The following MCF2L variants were observed in gnomAD, a reference collection of about 807,000 sequenced individuals.
The protein encoded by MCF2L is guanine nucleotide exchange factor DBS.
A neutral mutation model predicts 153.4 loss-of-function variants in MCF2L; 97 were observed. The ratio of observed to expected loss-of-function variants is 0.63; its 90% confidence interval spans 0.54 to 0.75. MCF2L has a LOEUF of 0.75. MCF2L is among the 30% of genes least tolerant of loss of function. MCF2L has a pLI of 0.00. For synonymous variants in MCF2L, 659 were observed against 632.2 expected (o/e 1.04, Z -0.64); for missense variants, 1,347 against 1,495.2 (o/e 0.90, Z 1.64).
At chr13:113,090,185 C>G (rs748969519) in intron 26 of MCF2L, 1 of 1,512,266 alleles carries the variant, frequency 6.6e-7, no homozygotes. Context: ...TGCCCCAAAC[C>G]CACCCTCACC....
upstream of MCF2L, chr13:112,965,584 G>T (rs957881321): frequency 6.6e-6 from 1 of 152,192 alleles, no homozygotes. Flanking sequence ...CCCCTCCCAA[G>T]ACATGGAGTG....
At position 113,074,900 on chromosome 13, in the gene MCF2L, A is replaced by G. The variant is rs976690075; in HGVS notation, c.1117-98A>G. 2 of 1,095,916 alleles carry G rather than the reference A, an allele frequency of 1.8e-6. No individual in the cohort carries two copies. The highest frequency in any genetic ancestry group is 3.1e-5 in the African/African-American group (2 of 64,120). The allele number at this position is 1,095,916 out of a possible 1,614,324, so 67.9% of individuals were successfully genotyped here. A position where few individuals can be genotyped will look rare whatever the true frequency, so the allele number is the denominator to read the frequency against. ...CGCAGCAGTAAACAAAGAAATCAAG[A>G]CACACGTGTGCCCCGGGACACACAT... On this transcript the variant is annotated intron_variant, in intron 10 of 29. Coordinates refer to ENST00000535094, the MANE Select transcript of MCF2L (RefSeq NM_001112732.3). The surrounding 1 kb of genome is among the most constrained non-coding windows in gnomAD (Gnocchi z 4.2).
upstream of MCF2L, chr13:112,968,912 G>A (rs2081949024): frequency 3.4e-6 from 2 of 591,022 alleles, no homozygotes; most frequent in Admixed American, 4.2e-5. Flanking sequence ...TGACCTTGGC[G>A]GTGACACGAA....
intron 2 of MCF2L, among the ~76,000 whole-genome samples, chr13:112,930,889 A>T (rs1219845623): frequency 6.6e-6 from 1 of 152,188 alleles, no homozygotes; most frequent in Non-Finnish European, 1.5e-5. Context: ...GTGAGCCAAG[A>T]TCACGCCATT....
At chr13:113,060,540 G>A in intron 4 of MCF2L, 53 bp from the exon 5 acceptor site, 1 of 1,599,378 alleles carries the variant, frequency 6.3e-7, no homozygotes, top group South Asian at 1.1e-5. Context: ...CACTAGGGGG[G>A]CTGCTGTCTG....
intron 3 of MCF2L, among the ~76,000 whole-genome samples, chr13:113,033,088 GGC>G (rs1175001056): frequency 2.8e-5 from 4 of 143,910 alleles, no homozygotes; most frequent in African/African-American, 1.1e-4. Flanking sequence ...TGGACCCCGT[GGC>G]ATGAGTGGCT....
chr13:112,995,084 G>C (rs985438834), intron 1 of MCF2L, among the ~76,000 whole-genome samples: 1 of 152,194 alleles, frequency 6.6e-6, no homozygotes, highest in Non-Finnish European at 1.5e-5. Flanking sequence ...TGGCACTCAC[G>C]TGTGTCTGCC....
intron 1 of MCF2L, among the ~76,000 whole-genome samples, chr13:112,974,339 C>A (rs2082147554): frequency 6.6e-6 from 1 of 151,930 alleles, no homozygotes; most frequent in Non-Finnish European, 1.5e-5. Context: ...CCGGCGTGGC[C>A]AACCTCTGAG....
At chr13:112,942,397 C>T (rs1481082360) in intron 2 of MCF2L, among the ~76,000 whole-genome samples, 3 of 152,298 alleles carry the variant, frequency 2.0e-5, no homozygotes, top group African/African-American at 4.8e-5. Context: ...GGAGATGGCT[C>T]ACACTCCTTA....
In MCF2L at chr13:113,074,362, C is replaced by A. The variant is rs2033221366; in HGVS notation, c.997-82C>A. 6.5e-7 allele frequency: 1 copy of A among 1,536,580 alleles called. No homozygotes were observed. The highest frequency in any genetic ancestry group is 8.9e-7 in the Non-Finnish European group (1 of 1,118,110). ...GGCCCGACTTTGAATTCTGTCATTT[C>A]CCTGATCTGGAGCACTGGAGTGGGT... On this transcript the variant is annotated intron_variant, in intron 9 of 29. Coordinates refer to ENST00000535094, the MANE Select transcript of MCF2L (RefSeq NM_001112732.3). The surrounding 1 kb of genome is among the most constrained non-coding windows in gnomAD (Gnocchi z 4.2).
intron 1 of MCF2L, among the ~76,000 whole-genome samples, chr13:112,988,489 G>A (rs1383932306): frequency 6.6e-6 from 1 of 152,082 alleles, no homozygotes; most frequent in East Asian, 1.9e-4. Flanking sequence ...GGGACGTTCT[G>A]TCCTGAGCAG....
intron 2 of MCF2L, among the ~76,000 whole-genome samples, chr13:113,019,060 G>A (rs1440038432): frequency 2.6e-5 from 4 of 151,904 alleles, no homozygotes; most frequent in African/African-American, 9.7e-5. Flanking sequence ...GGAGACCTTC[G>A]TCTCTTCTCC....
At chr13:113,090,805 C>G in intron 26 of MCF2L, 2 of 985,054 alleles carry the variant, frequency 2.0e-6, no homozygotes, top group Non-Finnish European at 2.4e-6. Context: ...AGACTTGAAA[C>G]AAACAAACAA....
At chr13:113,062,866 G>A (rs140193823) in intron 5 of MCF2L, among the ~76,000 whole-genome samples, 198 of 152,278 alleles carry the variant, frequency 1.3e-3, no homozygotes, top group African/African-American at 4.0e-3. Flanking sequence ...TTATGCGGCC[G>A]TCGCAACCAC....
chr13:113,001,600 A>T, intron 1 of MCF2L: 1 of 1,000,048 alleles, frequency 1.0e-6, no homozygotes, highest in Non-Finnish European at 1.3e-6. Flanking sequence ...GGGAGGGTCT[A>T]GACAAGCAAC....
chr13:112,992,344 T>C (rs922379820), intron 1 of MCF2L, among the ~76,000 whole-genome samples: 5 of 152,216 alleles, frequency 3.3e-5, no homozygotes, highest in African/African-American at 9.6e-5. Flanking sequence ...TGGGAGCCAA[T>C]GGATGTATAC....
In MCF2L at chr13:113,063,247, G is replaced by T. The variant is rs539527272; in HGVS notation, c.490-1057G>T. Among the ~76,000 whole-genome samples, 7 of 152,270 alleles carry T rather than the reference G, an allele frequency of 4.6e-5. No individual in the cohort carries two copies. In the South Asian group the frequency reaches 1.0e-3, roughly 23 times the overall value. On this transcript the variant is annotated intron_variant, in intron 5 of 29. Coordinates refer to ENST00000535094, the MANE Select transcript of MCF2L (RefSeq NM_001112732.3). Reference sequence around the variant, plus strand: ...TGCGGGCGAGTGGGACCCACATCTGGGTCCACACAGGTCCGAAGCCAGGCG... The same window carrying T: ...TGCGGGCGAGTGGGACCCACATCTGTGTCCACACAGGTCCGAAGCCAGGCG...
At chr13:112,979,389 G>C in intron 1 of MCF2L, 1 of 1,365,564 alleles carries the variant, frequency 7.3e-7, no homozygotes, top group Non-Finnish European at 9.4e-7. Context: ...TCTTCCAGGC[G>C]TGCAGGGCAG....
In MCF2L at chr13:113,064,870, C is replaced by T; in HGVS notation, c.607-66C>T. 1 of 1,551,314 alleles carries T rather than the reference C, an allele frequency of 6.4e-7. No individual in the cohort carries two copies. Among genetic ancestry groups the T allele is most frequent in the South Asian group, 1.2e-5 (1 of 81,162 alleles). ...TGGGAACGGTTTCCGCCGGTGTCTG[C>T]TTTCAGGGCAGCAGGAGGTGGGTGC... On this transcript the variant is annotated intron_variant, in intron 6 of 29. Coordinates refer to ENST00000535094, the MANE Select transcript of MCF2L (RefSeq NM_001112732.3). This position sits in a 1 kb window ranked among gnomAD's most constrained non-coding sequence, Gnocchi z 6.0.
Sources: gnomAD v4.1 joint callset for allele counts (sites outside exome capture counted in the v4.1 genomes callset) on GRCh38, gnomAD v4.1.1 for gene constraint, Gnocchi (gnomAD v3.1) non-coding constraint, MANE v1.5 for transcripts, NCBI Gene and HGNC (gene_info 2026-07-23, HGNC 2026-07-21) for gene names.